LRP1B: variants seen among roughly 807,000 people sequenced by gnomAD.
LRP1B encodes LDL receptor related protein 1B.
LRP1B carries 217 observed loss-of-function variants against 556.6 expected under a neutral mutation model. The ratio of observed to expected loss-of-function variants is 0.39; its 90% CI spans 0.35 to 0.44. The LOEUF is 0.44. Ranked by LOEUF, LRP1B falls within the 20% of genes least tolerant of loss-of-function variation. LRP1B has a pLI of 1.00. For synonymous variants in LRP1B, 2,047 were observed against 1,865.8 expected (o/e 1.10, Z -2.50); for missense variants, 5,053 against 5,620.8 (o/e 0.90, Z 3.23).
chr2:140,404,689 C>T (rs1056279219), intron 66 of LRP1B, among the ~76,000 whole-genome samples: 4 of 152,112 alleles, frequency 2.6e-5, no homozygotes, highest in African/African-American at 9.7e-5. Flanking sequence ...TCAAAAGACT[C>T]ACCTAACACA....
intron 46 of LRP1B, among the ~76,000 whole-genome samples, chr2:140,534,900 AC>A: frequency 6.6e-6 from 1 of 152,242 alleles, no homozygotes; most frequent in East Asian, 1.9e-4. Context: ...TATGTTACTT[AC>A]CCTAGTCACA....
chr2:140,645,144 T>TA (rs1684435843), intron 41 of LRP1B, among the ~76,000 whole-genome samples: 1 of 152,214 alleles, frequency 6.6e-6, no homozygotes, highest in East Asian at 1.9e-4. Flanking sequence ...ATTTGGATTT[T>TA]ACCATTTGCA....
intron 3 of LRP1B, among the ~76,000 whole-genome samples, chr2:141,260,447 C>T (rs899032830): frequency 3.9e-5 from 6 of 152,036 alleles, no homozygotes; most frequent in Admixed American, 2.6e-4. Context: ...ATAAATCATG[C>T]TGACCTTCCT....
intron 2 of LRP1B, among the ~76,000 whole-genome samples, chr2:141,760,976 T>C (rs1694522767): frequency 6.6e-6 from 1 of 152,202 alleles, no homozygotes; most frequent in Non-Finnish European, 1.5e-5. Flanking sequence ...TGTGGGCACA[T>C]TTTCTGTTTA....
chr2:142,128,207 A>G (rs991636657), intron 1 of LRP1B, among the ~76,000 whole-genome samples: 1 of 152,162 alleles, frequency 6.6e-6, no homozygotes, highest in Non-Finnish European at 1.5e-5. Context: ...TTATGAATGT[A>G]TAAAGGAAAA....
Position 140,456,509 on chromosome 2 carries a change from G to A in LRP1B, c.9909C>T (p.Asn3303=). 1 of 1,613,500 alleles carries A rather than the reference G, an allele frequency of 6.2e-7. No individual in the cohort carries two copies. ...GKTHTCACPT[N]FYLAADNRTC... ...TCCTATTATCAGCTGCCAGATAGAA[G>A]TTAGTGGGACATGCACAAGTGTGGG... The change falls in exon 62 of 91, where the codon AAC becomes AAT. Residue 3303 remains asparagine, a synonymous_variant. Coordinates refer to ENST00000389484, the MANE Select transcript of LRP1B (RefSeq NM_018557.3).
At chr2:141,067,181 G>T (rs1473663) in intron 7 of LRP1B, among the ~76,000 whole-genome samples, 127,064 of 151,902 alleles carry the variant, frequency 0.84, 53,664 homozygotes, top group Non-Finnish European at 0.89. Context: ...TAGAGTAATT[G>T]AGGTATATTT....
chr2:140,321,160 G>T (rs907674930), intron 82 of LRP1B, among the ~76,000 whole-genome samples: 4 of 151,914 alleles, frequency 2.6e-5, no homozygotes, highest in Non-Finnish European at 4.4e-5. Context: ...TGAATATGAG[G>T]TAACTTATTT....
At chr2:141,762,425 C>G (rs1451742547) in intron 2 of LRP1B, among the ~76,000 whole-genome samples, 1 of 151,544 alleles carries the variant, frequency 6.6e-6, no homozygotes, top group African/African-American at 2.4e-5. Flanking sequence ...GGAATGGTGA[C>G]CAATTTTGTA....
At chr2:140,932,886 T>TACACACACACACACACAC (rs373649277) in intron 20 of LRP1B, among the ~76,000 whole-genome samples, 3,259 of 127,468 alleles carry the variant, frequency 0.026, 58 homozygotes, top group Non-Finnish European at 0.034. Flanking sequence ...TCTCTCCCTA[T>TACACACACACACACACAC]ACACACACAC....
At chr2:140,433,888 A>G (rs1686059415) in intron 66 of LRP1B, among the ~76,000 whole-genome samples, 1 of 151,858 alleles carries the variant, frequency 6.6e-6, no homozygotes, top group African/African-American at 2.4e-5. Context: ...TCAAAAAGGA[A>G]CATTTAAATA....
At chr2:141,510,195 G>GACAGACAC (rs751418206) in intron 2 of LRP1B, among the ~76,000 whole-genome samples, 2 of 95,100 alleles carry the variant, frequency 2.1e-5, no homozygotes, top group African/African-American at 9.3e-5. Flanking sequence ...CGGCAATACA[G>GACAGACAC]ACACACACAC....
chr2:142,092,190 C>T (rs1003377667), intron 1 of LRP1B, among the ~76,000 whole-genome samples: 12 of 152,110 alleles, frequency 7.9e-5, no homozygotes, highest in African/African-American at 2.9e-4. Context: ...GTTTCTGTTA[C>T]ATGTATCTAA....
intron 2 of LRP1B, among the ~76,000 whole-genome samples, chr2:141,697,789 G>A (rs548359523): frequency 1.3e-5 from 2 of 152,008 alleles, no homozygotes; most frequent in South Asian, 4.2e-4. Context: ...CTGTGAAAGT[G>A]GCTACAAATA....
chr2:140,506,762 G>A (rs1317778184), intron 53 of LRP1B, 34 bp downstream of exon 53: 3 of 1,593,624 alleles, frequency 1.9e-6, no homozygotes, highest in East Asian at 2.2e-5. Context: ...TCTTAGCCTA[G>A]GAATCTCCTT....
intron 7 of LRP1B, among the ~76,000 whole-genome samples, chr2:141,103,673 T>C (rs779657179): frequency 1.3e-5 from 2 of 149,534 alleles, no homozygotes; most frequent in Non-Finnish European, 3.0e-5. Flanking sequence ...TTCTTGCCAA[T>C]ACAACTGTGA....
At chr2:140,730,283 T>C (rs927488571) in intron 35 of LRP1B, among the ~76,000 whole-genome samples, 8 of 152,168 alleles carry the variant, frequency 5.3e-5, no homozygotes, top group Non-Finnish European at 1.2e-4. Context: ...ATCAGATCTT[T>C]TGCTTAACAT....
intron 11 of LRP1B, among the ~76,000 whole-genome samples, chr2:141,042,217 G>A (rs1698722932): frequency 6.6e-6 from 1 of 152,076 alleles, no homozygotes; most frequent in Non-Finnish European, 1.5e-5. Flanking sequence ...GAAGCAAAAG[G>A]CAGGTTTGCT....
At chr2:142,066,161 A>G (rs1401781806) in intron 1 of LRP1B, among the ~76,000 whole-genome samples, 3 of 151,546 alleles carry the variant, frequency 2.0e-5, no homozygotes, top group African/African-American at 7.3e-5. Context: ...CCAGTGAAAG[A>G]CTGTCCAGAT....
Sources: allele counts gnomAD v4.1 joint callset (sites outside exome capture counted in the v4.1 genomes callset), GRCh38; gene constraint gnomAD v4.1.1; transcripts MANE v1.5; gene names NCBI Gene and HGNC (gene_info 2026-07-23, HGNC 2026-07-21).